The following EGFR variants were observed in gnomAD, a reference collection of about 807,000 sequenced individuals.
EGFR encodes epidermal growth factor receptor.
Under a neutral mutation model 143.0 loss-of-function variants are expected in EGFR, and 58 were observed. The observed-to-expected ratio is 0.41, with a 90% CI of 0.33 to 0.50. The LOEUF (loss-of-function observed/expected upper bound fraction) is 0.50, where lower values mean the gene tolerates loss of function less well. Among genes scored for constraint, EGFR ranks in the 20% least tolerant of loss-of-function variants. The pLI, the probability that EGFR is intolerant of heterozygous loss-of-function variation, is 0.39. For synonymous variants in EGFR, 613 were observed against 594.4 expected (o/e 1.03, Z -0.45); for missense variants, 1,307 against 1,579.0 (o/e 0.83, Z 2.92).
intron 5 of EGFR, 95 bp from the exon 6 acceptor site, chr7:55,152,451 T>G: frequency 8.5e-7 from 1 of 1,174,430 alleles, no homozygotes; most frequent in Admixed American, 1.7e-5. Flanking sequence ...TGTCTTCACT[T>G]TTTCATGAAA....
intron 15 of EGFR, chr7:55,168,660 C>A (rs887057403): frequency 1.6e-5 from 22 of 1,390,754 alleles, no homozygotes; most frequent in African/African-American, 5.8e-5. Context: ...TAAATATTTT[C>A]TTTAGTATGT....
chr7:55,042,752 A>G lies in EGFR; in HGVS notation c.88+23387A>G, dbSNP rs189108174. Among the ~76,000 whole-genome samples, 7 of 152,266 alleles carry G rather than the reference A, an allele frequency of 4.6e-5. No homozygotes were observed. The East Asian group carries it at 1.4e-3, about 29-fold the overall frequency. ...GAGTAAAATAATGATAACAGGTCAAACTTTGCGGTCCCACGTGAGGCTGGA... is the reference window on the plus strand; with the variant it reads ...GAGTAAAATAATGATAACAGGTCAAGCTTTGCGGTCCCACGTGAGGCTGGA... On this transcript the variant is annotated intron_variant, in intron 1 of 27. Coordinates refer to ENST00000275493, the MANE Select transcript of EGFR (RefSeq NM_005228.5).
chr7:55,089,145 G>A (rs1044307665), intron 1 of EGFR, among the ~76,000 whole-genome samples: 5 of 151,936 alleles, frequency 3.3e-5, no homozygotes, highest in Admixed American at 2.6e-4. Context: ...ATATTGTTTT[G>A]CCTCTTGCTT....
chr7:55,127,961 A>G (rs553332780), intron 1 of EGFR, among the ~76,000 whole-genome samples: 40 of 152,364 alleles, frequency 2.6e-4, no homozygotes, highest in African/African-American at 9.6e-4. Context: ...ATCTCCGTCA[A>G]CATGTTCTGT....
chr7:55,060,241 A>G (rs1789089120), intron 1 of EGFR, among the ~76,000 whole-genome samples: 1 of 152,190 alleles, frequency 6.6e-6, no homozygotes, highest in South Asian at 2.1e-4. Flanking sequence ...TTTCATTAAT[A>G]TATTCTAGTT....
Position 55,020,834 on chromosome 7 carries a change from G to C in EGFR, c.88+1469G>C, listed in dbSNP as rs144458784. ...GCGCGGTCGTTGGGGGAGGGGCAAG[G>C]CATAGAACAGTGGTTCCCAGACCTT... On this transcript the variant is annotated intron_variant, in intron 1 of 27. Coordinates refer to ENST00000275493, the MANE Select transcript of EGFR (RefSeq NM_005228.5). Among the ~76,000 whole-genome samples, 1,196 of 151,904 alleles carry C rather than the reference G, an allele frequency of 7.9e-3. 23 individuals are homozygous for C. Among genetic ancestry groups the C allele is most frequent in the African/African-American group, 0.026 (1,084 of 41,388 alleles).
rs1012152050 is a variant in EGFR at position 55,097,735 on chromosome 7, C to T, written c.89-44551C>T. Among the ~76,000 whole-genome samples, 4 of 152,176 alleles carry T rather than the reference C, an allele frequency of 2.6e-5. No individual in the cohort carries two copies. In the East Asian group the frequency reaches 7.7e-4, roughly 29 times the overall value. On this transcript the variant is annotated intron_variant, in intron 1 of 27. Coordinates refer to ENST00000275493, the MANE Select transcript of EGFR (RefSeq NM_005228.5). ...ACTGCACAGCAGCAAGACAGATTGC[C>T]ATGGAGCATGTTGTGCCCAACTAGG...
At chr7:55,181,807 A>G (rs906576353) in intron 20 of EGFR, 24 of 397,606 alleles carry the variant, frequency 6.0e-5, no homozygotes, top group Middle Eastern at 8.0e-4. Context: ...GAGAAGGAAT[A>G]TTGCTTCCCC....
chr7:55,031,470 T>G (rs1319012082), intron 1 of EGFR, among the ~76,000 whole-genome samples: 1 of 152,102 alleles, frequency 6.6e-6, no homozygotes, highest in Non-Finnish European at 1.5e-5. Context: ...ACTTTCCACC[T>G]TTAGAGATTC....
chr7:55,084,320 C>T (rs186508491), intron 1 of EGFR, among the ~76,000 whole-genome samples: 1 of 152,178 alleles, frequency 6.6e-6, no homozygotes, highest in African/African-American at 2.4e-5. Context: ...CTAGAGGCCA[C>T]CCTCTCCATA....
At chr7:55,127,611 A>G (rs905084101) in intron 1 of EGFR, among the ~76,000 whole-genome samples, 12 of 152,236 alleles carry the variant, frequency 7.9e-5, no homozygotes, top group African/African-American at 2.7e-4. Flanking sequence ...TCAACAGCAT[A>G]GAAATTAGCT....
rs2128933930 is a variant in EGFR, at chr7:55,152,675, C to T, written c.747+11C>T. 6.2e-7 allele frequency: 1 copy of T among 1,610,850 alleles called. No individual in the cohort carries two copies. Among genetic ancestry groups the T allele is most frequent in the Non-Finnish European group, 8.5e-7 (1 of 1,177,872 alleles). On this transcript the variant is annotated intron_variant, in intron 6 of 27. Coordinates refer to ENST00000275493, the MANE Select transcript of EGFR (RefSeq NM_005228.5). ...GAGAGCGACTGCCTGGTAAGATGCC[C>T]CTCCAGCAGCCTCCCTGGAGCAGGC... is the stretch of plus-strand genomic sequence containing the variant.
At chr7:55,141,511 G>T (rs1198777231) in intron 1 of EGFR, among the ~76,000 whole-genome samples, 2 of 152,222 alleles carry the variant, frequency 1.3e-5, no homozygotes, top group Non-Finnish European at 2.9e-5. Flanking sequence ...GATCAACATG[G>T]AGTGTGGACG....
At position 55,205,547 on chromosome 7, in the gene EGFR, A is replaced by T. The variant is rs2128975576; in HGVS notation, c.3563A>T (p.Lys1188Met). 6.2e-7 allele frequency: 1 copy of T among 1,614,236 alleles called. No homozygotes were observed. The highest frequency in any genetic ancestry group is 8.5e-7 in the Non-Finnish European group (1 of 1,180,042). ...GAAGCCAAGCCAAATGGCATCTTTA[A>T]GGGCTCCACAGCTGAAAATGCAGAA... ...PKEAKPNGIFKGSTAENAEYL... is the reference protein window; with the variant it reads ...PKEAKPNGIFMGSTAENAEYL... The change falls in exon 28 of 28, where the codon AAG becomes ATG. Residue 1188 changes from lysine (K) to methionine (M), a missense_variant. By Grantham distance (95) the Lys-to-Met change is moderately conservative. Coordinates refer to ENST00000275493, the MANE Select transcript of EGFR (RefSeq NM_005228.5).
intron 1 of EGFR, among the ~76,000 whole-genome samples, chr7:55,040,174 G>T (rs1787819344): frequency 6.6e-6 from 1 of 152,166 alleles, no homozygotes; most frequent in Admixed American, 6.5e-5. Context: ...CATCAGGCTT[G>T]GAAGTGGGCT....
chr7:55,205,890 G>T lies in EGFR; in HGVS notation c.*273G>T. 1 of 469,434 alleles carries T rather than the reference G, an allele frequency of 2.1e-6. No homozygotes were observed. 29.1% of individuals were successfully genotyped at this position (469,434 alleles called of 1,614,324 possible). A position where few individuals can be genotyped will look rare whatever the true frequency, so the allele number is the denominator to read the frequency against. ...GAGCAGAAATTTATCTTTCAAAGAG[G>T]TATATTTGAAAAAAAAAAAAAGTAT... On this transcript the variant is annotated 3_prime_UTR_variant, in exon 28 of 28. Transcript: ENST00000275493.
chr7:55,123,324 C>A (rs1793323470), intron 1 of EGFR, among the ~76,000 whole-genome samples: 1 of 152,212 alleles, frequency 6.6e-6, no homozygotes, highest in Non-Finnish European at 1.5e-5. Flanking sequence ...AAACAAATAT[C>A]TGTGCAATCA....
At chr7:55,144,465 G>C (rs572102766) in intron 3 of EGFR, among the ~76,000 whole-genome samples, 1 of 152,326 alleles carries the variant, frequency 6.6e-6, no homozygotes, top group East Asian at 1.9e-4. Context: ...ATGCAGTTCT[G>C]ACAGGGAGGC....
intron 27 of EGFR, among the ~76,000 whole-genome samples, chr7:55,203,502 A>G (rs1009102700): frequency 4.0e-5 from 6 of 149,010 alleles, no homozygotes; most frequent in African/African-American, 1.5e-4. Flanking sequence ...AGACACATAT[A>G]CACTACACAC....
Sources: gnomAD v4.1 joint callset for allele counts (sites outside exome capture counted in the v4.1 genomes callset) on GRCh38, gnomAD v4.1.1 for gene constraint, MANE v1.5 for transcripts, NCBI Gene and HGNC (gene_info 2026-07-23, HGNC 2026-07-21) for gene names.